The following CCSER1 variants were observed in gnomAD, a reference collection of about 807,000 sequenced individuals.
The protein encoded by CCSER1 is serine-rich coiled-coil domain-containing protein 1.
CCSER1 carries 41 observed loss-of-function variants against 82.0 expected under a neutral mutation model. The observed-to-expected ratio is 0.50, with a 90% CI of 0.39 to 0.65. CCSER1 has a LOEUF of 0.65. Among genes scored for constraint, CCSER1 ranks in the 30% least tolerant of loss-of-function variants. CCSER1 has a pLI of 0.00. For synonymous variants in CCSER1, 414 were observed against 383.9 expected, an observed-to-expected ratio of 1.08 and a Z score of -0.92; for missense variants, 1,119 against 1,064.2, an observed-to-expected ratio of 1.05 and a Z score of -0.72.
chr4:90,562,073 C>T (rs1382594619), intron 5 of CCSER1, among the ~76,000 whole-genome samples: 1 of 151,690 alleles, frequency 6.6e-6, no homozygotes, highest in African/African-American at 2.4e-5. Flanking sequence ...GCCTGTAATA[C>T]CAGCTACTCA....
At chr4:90,820,261 A>C (rs973538365) in intron 8 of CCSER1, among the ~76,000 whole-genome samples, 1 of 152,344 alleles carries the variant, frequency 6.6e-6, no homozygotes, top group South Asian at 2.1e-4. Context: ...CAACTGTCAA[A>C]TAATACCACT....
chr4:91,092,862 G>T (rs1724109141), intron 10 of CCSER1, among the ~76,000 whole-genome samples: 1 of 152,108 alleles, frequency 6.6e-6, no homozygotes. Flanking sequence ...CTCTGTGTCT[G>T]CTCAGGGGTT....
chr4:90,272,141 A>G (rs1416576234), intron 1 of CCSER1, among the ~76,000 whole-genome samples: 1 of 151,880 alleles, frequency 6.6e-6, no homozygotes, highest in African/African-American at 2.4e-5. Flanking sequence ...ACACATGAGG[A>G]TTACAATTCA....
rs571253876 is a variant in CCSER1 at position 91,393,523 on chromosome 4, G to T, written c.2218-205049G>T. Among the ~76,000 whole-genome samples the T allele has an allele frequency of 2.0e-5, 3 of 152,088 alleles. No homozygotes were observed. In the East Asian group the frequency reaches 5.8e-4, roughly 29 times the overall value. ...ATCCACTTTTATGAAACTGAATTCAGAAAACTCTCATTTCAAAGTAACCTG... is the reference window on the plus strand; with the variant it reads ...ATCCACTTTTATGAAACTGAATTCATAAAACTCTCATTTCAAAGTAACCTG... On this transcript the variant is annotated intron_variant, in intron 10 of 10. Transcript: ENST00000509176.
At chr4:90,365,134 T>G in intron 3 of CCSER1, among the ~76,000 whole-genome samples, 1 of 151,858 alleles carries the variant, frequency 6.6e-6, no homozygotes, top group East Asian at 1.9e-4. Flanking sequence ...GGAAATTATT[T>G]TTGAGTTTGA....
chr4:90,471,807 T>C (rs1764447007), intron 5 of CCSER1, among the ~76,000 whole-genome samples: 1 of 151,892 alleles, frequency 6.6e-6, no homozygotes, highest in Non-Finnish European at 1.5e-5. Context: ...AAACCCTGTC[T>C]CTACTAAAAA....
chr4:91,135,357 A>G (rs1319153157), intron 10 of CCSER1, among the ~76,000 whole-genome samples: 1 of 152,178 alleles, frequency 6.6e-6, no homozygotes, highest in Non-Finnish European at 1.5e-5. Flanking sequence ...TACAGTTGAA[A>G]AAGGCTAAAA....
At chr4:91,411,665 A>G (rs1753059644) in intron 10 of CCSER1, among the ~76,000 whole-genome samples, 1 of 150,386 alleles carries the variant, frequency 6.6e-6, no homozygotes, top group Admixed American at 6.6e-5. Flanking sequence ...TTTCTCTCAT[A>G]AGGCTGTGAG....
chr4:91,251,187 T>C (rs758967112), intron 10 of CCSER1, among the ~76,000 whole-genome samples: 9 of 152,118 alleles, frequency 5.9e-5, no homozygotes, highest in Admixed American at 1.3e-4. Flanking sequence ...TTGTACAGTT[T>C]TGGAGGCTAG....
At chr4:91,404,217 G>A (rs570497338) in intron 10 of CCSER1, among the ~76,000 whole-genome samples, 3 of 152,146 alleles carry the variant, frequency 2.0e-5, no homozygotes, top group Non-Finnish European at 2.9e-5. Flanking sequence ...ATGGTAGTTT[G>A]TATTTCTGTG....
In CCSER1 at chr4:90,950,111, C is replaced by T. The variant is rs534635123; in HGVS notation, c.2172+26664C>T. Among the ~76,000 whole-genome samples the T allele has an allele frequency of 2.5e-4, 38 of 152,162 alleles. No individual in the cohort carries two copies. In the South Asian group the frequency reaches 7.7e-3, roughly 31 times the overall value. Reference sequence around the variant, plus strand: ...CCAGGCAAATGAGGATGGAGATGTGCAAGAAGAACCACAGTTAGCTAACCT... The same window carrying T: ...CCAGGCAAATGAGGATGGAGATGTGTAAGAAGAACCACAGTTAGCTAACCT... On this transcript the variant is annotated intron_variant, in intron 9 of 10. Transcript: ENST00000509176.
chr4:90,455,793 G>T (rs1423900803), intron 4 of CCSER1, among the ~76,000 whole-genome samples: 1 of 152,076 alleles, frequency 6.6e-6, no homozygotes, highest in African/African-American at 2.4e-5. Flanking sequence ...CTATGCCATG[G>T]GTAGGAGGAT....
intron 10 of CCSER1, among the ~76,000 whole-genome samples, chr4:91,295,831 T>A (rs1383982064): frequency 6.6e-6 from 1 of 151,926 alleles, no homozygotes; most frequent in Non-Finnish European, 1.5e-5. Flanking sequence ...TTTATGTATG[T>A]CTCAGTAATT....
intron 10 of CCSER1, among the ~76,000 whole-genome samples, chr4:91,569,162 A>G (rs1280707491): frequency 1.3e-5 from 2 of 152,168 alleles, no homozygotes; most frequent in African/African-American, 4.8e-5. Flanking sequence ...CAGTTGGCAC[A>G]TGGGCTTATT....
chr4:90,143,412 G>C (rs1186261090), intron 1 of CCSER1, among the ~76,000 whole-genome samples: 1 of 150,228 alleles, frequency 6.7e-6, no homozygotes, highest in East Asian at 2.0e-4. Flanking sequence ...TTTTTTCTTA[G>C]ACCATAAACT....
chr4:91,385,710 A>C (rs939490115), intron 10 of CCSER1, among the ~76,000 whole-genome samples: 31 of 151,906 alleles, frequency 2.0e-4, no homozygotes, highest in Non-Finnish European at 4.4e-4. Flanking sequence ...CCACGGGGTA[A>C]GGGAAAAGTG....
At chr4:90,827,732 G>C (rs1218078113) in intron 8 of CCSER1, among the ~76,000 whole-genome samples, 1 of 152,036 alleles carries the variant, frequency 6.6e-6, no homozygotes. Context: ...GTGTAGGGGA[G>C]GGAAGAATTT....
At chr4:90,316,479 C>A (rs1454812718) in intron 3 of CCSER1, among the ~76,000 whole-genome samples, 1 of 152,148 alleles carries the variant, frequency 6.6e-6, no homozygotes, top group African/African-American at 2.4e-5. Context: ...AGTGCTTAAT[C>A]TGAACTTAAA....
At chr4:90,315,991 T>A (rs1045925212) in intron 3 of CCSER1, among the ~76,000 whole-genome samples, 5 of 152,214 alleles carry the variant, frequency 3.3e-5, no homozygotes, top group Admixed American at 1.3e-4. Context: ...TCCAAAATAA[T>A]TTAAGCAACT....
Sources: allele counts gnomAD v4.1 joint callset (sites outside exome capture counted in the v4.1 genomes callset), GRCh38; gene constraint gnomAD v4.1.1; transcripts MANE v1.5; gene names NCBI Gene and HGNC (gene_info 2026-07-23, HGNC 2026-07-21).